The following NXPH1 variants were observed in gnomAD, a reference collection of about 807,000 sequenced individuals.
NXPH1 encodes neurexophilin 1, also known as neurexophilin-1.
In NXPH1, 5 loss-of-function variants were observed where a neutral mutation model predicts 23.7. That is an observed-to-expected ratio of 0.21 (90% CI 0.11 to 0.44). NXPH1 has a LOEUF of 0.44. Ranked by LOEUF, NXPH1 falls within the 20% of genes least tolerant of loss-of-function variation. The pLI, the probability that NXPH1 is intolerant of heterozygous loss-of-function variation, is 0.99. For missense variants in NXPH1, 324 were observed against 321.6 expected, an observed-to-expected ratio of 1.01 and a Z score of -0.06; for synonymous variants, 144 against 122.2, an observed-to-expected ratio of 1.18 and a Z score of -1.18.
chr7:8,628,240 GA>G (rs1297150853), intron 2 of NXPH1, among the ~76,000 whole-genome samples: 3 of 151,860 alleles, frequency 2.0e-5, no homozygotes, highest in Admixed American at 2.0e-4. Flanking sequence ...AAAGTGCAAA[GA>G]AAAAACGTCA....
intron 2 of NXPH1, among the ~76,000 whole-genome samples, chr7:8,704,725 CT>C (rs1158408554): frequency 1.3e-5 from 2 of 151,478 alleles, no homozygotes; most frequent in Non-Finnish European, 2.9e-5. Flanking sequence ...TATATAAACA[CT>C]TTTCTAAAAT....
chr7:8,629,112 T>C (rs936804157), intron 2 of NXPH1, among the ~76,000 whole-genome samples: 2 of 152,128 alleles, frequency 1.3e-5, no homozygotes, highest in Non-Finnish European at 1.5e-5. Context: ...TGTTCCATTA[T>C]GAAAATGATT....
intron 2 of NXPH1, among the ~76,000 whole-genome samples, chr7:8,654,889 G>T (rs1374383854): frequency 1.3e-5 from 2 of 152,146 alleles, no homozygotes; most frequent in African/African-American, 4.8e-5. Flanking sequence ...TTCTTCCTGG[G>T]GGTAAAGAGA....
At chr7:8,497,565 G>A (rs1195745143) in intron 2 of NXPH1, among the ~76,000 whole-genome samples, 2 of 152,130 alleles carry the variant, frequency 1.3e-5, no homozygotes, top group Admixed American at 1.3e-4. Context: ...TAACTGGTGT[G>A]AGATGGTATC....
chr7:8,742,185 G>A (rs1169868901), intron 2 of NXPH1, among the ~76,000 whole-genome samples: 1 of 152,106 alleles, frequency 6.6e-6, no homozygotes, highest in African/African-American at 2.4e-5. Context: ...TCTATGGCCA[G>A]TAAAGACACT....
chr7:8,451,478 A>G (rs1005422011), intron 2 of NXPH1, among the ~76,000 whole-genome samples: 4 of 152,198 alleles, frequency 2.6e-5, no homozygotes, highest in Non-Finnish European at 5.9e-5. Flanking sequence ...GAACATACCA[A>G]TGTCATCCCA....
intron 2 of NXPH1, among the ~76,000 whole-genome samples, chr7:8,537,583 C>A (rs1390376395): frequency 6.6e-6 from 1 of 151,922 alleles, no homozygotes; most frequent in African/African-American, 2.4e-5. Context: ...CCCACCAGGT[C>A]CTTCCCATGA....
At chr7:8,490,934 A>G (rs922303841) in intron 2 of NXPH1, among the ~76,000 whole-genome samples, 1 of 152,100 alleles carries the variant, frequency 6.6e-6, no homozygotes, top group Non-Finnish European at 1.5e-5. Context: ...AATGCATAAG[A>G]ACATTTCACA....
At chr7:8,632,375 C>A (rs1256960371) in intron 2 of NXPH1, among the ~76,000 whole-genome samples, 2 of 152,014 alleles carry the variant, frequency 1.3e-5, no homozygotes, top group East Asian at 1.9e-4. Context: ...TTCTTGATTC[C>A]ATTGCTTACC....
chr7:8,518,292 T>G (rs1817718942), intron 2 of NXPH1, among the ~76,000 whole-genome samples: 2 of 152,118 alleles, frequency 1.3e-5, no homozygotes, highest in South Asian at 4.1e-4. Flanking sequence ...TATGTAATAT[T>G]TGTTGAAACA....
chr7:8,729,058 T>G (rs1344832815), intron 2 of NXPH1, among the ~76,000 whole-genome samples: 2 of 152,098 alleles, frequency 1.3e-5, no homozygotes, highest in Non-Finnish European at 2.9e-5. Context: ...TCTTCCTGGT[T>G]TAGTCTTGGG....
chr7:8,671,583 T>C (rs1038213857), intron 2 of NXPH1, among the ~76,000 whole-genome samples: 7 of 152,320 alleles, frequency 4.6e-5, no homozygotes, highest in African/African-American at 1.7e-4. Context: ...AAAGAAGCTC[T>C]TTCTACATGG....
At chr7:8,630,989 A>G (rs2008353) in intron 2 of NXPH1, among the ~76,000 whole-genome samples, 41,845 of 151,954 alleles carry the variant, frequency 0.28, 6,218 homozygotes, top group African/African-American at 0.35. Context: ...ATGTGTTCTC[A>G]TCATCTAGTT....
chr7:8,530,478 A>C (rs1367265565), intron 2 of NXPH1, among the ~76,000 whole-genome samples: 1 of 152,196 alleles, frequency 6.6e-6, no homozygotes, highest in Non-Finnish European at 1.5e-5. Flanking sequence ...CTTCTTCTAG[A>C]TTCTGTGAAC....
chr7:8,582,701 G>T (rs1430201414), intron 2 of NXPH1, among the ~76,000 whole-genome samples: 1 of 152,124 alleles, frequency 6.6e-6, no homozygotes, highest in African/African-American at 2.4e-5. Flanking sequence ...ATGCTGATTG[G>T]TCCATGGGCC....
intron 2 of NXPH1, among the ~76,000 whole-genome samples, chr7:8,498,212 C>G (rs1014685687): frequency 6.6e-6 from 1 of 151,976 alleles, no homozygotes; most frequent in Non-Finnish European, 1.5e-5. Flanking sequence ...AAGGATATCC[C>G]TGGGGTTTGC....
chr7:8,647,316 G>A (rs1380705612), intron 2 of NXPH1, among the ~76,000 whole-genome samples: 2 of 152,126 alleles, frequency 1.3e-5, no homozygotes, highest in Admixed American at 1.3e-4. Flanking sequence ...GCAGAAGTCA[G>A]CTAGAAGAGA....
intron 2 of NXPH1, among the ~76,000 whole-genome samples, chr7:8,461,882 C>A (rs1052310914): frequency 6.7e-6 from 1 of 149,748 alleles, no homozygotes; most frequent in Non-Finnish European, 1.5e-5. Flanking sequence ...ACATGCACAC[C>A]TACATATACT....
intron 2 of NXPH1, among the ~76,000 whole-genome samples, chr7:8,701,994 G>A (rs59510796): frequency 0.34 from 51,476 of 150,066 alleles, 8,909 homozygotes; most frequent in East Asian, 0.45. Context: ...CAATTTATCT[G>A]TTAACTATTT....
Sources: allele counts gnomAD v4.1 joint callset (sites outside exome capture counted in the v4.1 genomes callset), GRCh38; gene constraint gnomAD v4.1.1; transcripts MANE v1.5; gene names NCBI Gene and HGNC (gene_info 2026-07-23, HGNC 2026-07-21).